Variants in TJP2 observed in about 807,000 individuals in gnomAD.
TJP2 encodes tight junction protein 2, also known as Friedreich ataxia region gene X104 (tight junction protein ZO-2).
In TJP2, 91 loss-of-function variants were observed where a neutral mutation model predicts 133.1. The observed-to-expected ratio is 0.68, with a 90% CI of 0.58 to 0.81. The LOEUF (loss-of-function observed/expected upper bound fraction) is 0.81. TJP2 is among the 40% of genes least tolerant of loss of function. The pLI is 0.00. For missense variants in TJP2, 1,541 were observed against 1,565.6 expected (o/e 0.98, Z 0.26); for synonymous variants, 592 against 583.4 (o/e 1.01, Z -0.21).
chr9:69,145,094 TTAA>T (rs945088223), intron 1 of TJP2, among the ~76,000 whole-genome samples: 1 of 152,224 alleles, frequency 6.6e-6, no homozygotes, highest in Non-Finnish European at 1.5e-5. Context: ...AAAGTTGTTT[TTAA>T]TAATAATTTT....
intron 10 of TJP2, among the ~76,000 whole-genome samples, chr9:69,229,860 T>G (rs866880379): frequency 3.3e-5 from 5 of 152,208 alleles, no homozygotes; most frequent in Non-Finnish European, 7.3e-5. Flanking sequence ...ATTCTATAAT[T>G]CTATGTCTTC....
rs562008936 is a variant in TJP2, at chr9:69,166,991, C to T, written c.-10+15220C>T. The stretch of plus-strand genomic sequence containing the variant: ...CTCACGCCCATAATCCTAGCACTTT[C>T]GGAGGCCAAGACGGGAGAATCACTT... On this transcript the variant is annotated intron_variant, in intron 2 of 5. Coordinates refer to the TJP2 transcript ENST00000423935. Among the ~76,000 whole-genome samples the T allele has an allele frequency of 4.0e-5, 6 of 151,426 alleles. No homozygotes were observed. The South Asian group carries it at 1.0e-3, about 26-fold the overall frequency.
chr9:69,146,045 G>A (rs1041296794), intron 1 of TJP2, among the ~76,000 whole-genome samples: 1 of 152,120 alleles, frequency 6.6e-6, no homozygotes, highest in Non-Finnish European at 1.5e-5. Flanking sequence ...AATAATGGGT[G>A]TGTCTAGAGC....
chr9:69,214,611 G>A (rs1168592249), intron 2 of TJP2, among the ~76,000 whole-genome samples: 1 of 152,120 alleles, frequency 6.6e-6, no homozygotes, highest in Non-Finnish European at 1.5e-5. Context: ...GCTCACGCCT[G>A]TAATCCCCAC....
chr9:69,195,791 T>C (rs1168646256), intron 1 of TJP2, among the ~76,000 whole-genome samples: 1 of 152,210 alleles, frequency 6.6e-6, no homozygotes, highest in Non-Finnish European at 1.5e-5. Context: ...CGACTCCCTT[T>C]CTGCACCCTC....
At chr9:69,233,776 C>CAAA (rs112402776) in intron 11 of TJP2, among the ~76,000 whole-genome samples, 1 of 144,154 alleles carries the variant, frequency 6.9e-6, no homozygotes, top group African/African-American at 2.5e-5. Context: ...GACTACATCT[C>CAAA]AAAAAAAAAA....
At chr9:69,252,671 C>T (rs1232529349) in intron 21 of TJP2, 144 bp from the exon 22 acceptor site, 3 of 774,898 alleles carry the variant, frequency 3.9e-6, no homozygotes, top group Non-Finnish European at 6.7e-6. Flanking sequence ...AATGAGGAGG[C>T]CGCTTCTGTG....
intron 1 of TJP2, chr9:69,204,730 A>G (rs1345279117): frequency 2.7e-6 from 2 of 748,578 alleles, no homozygotes; most frequent in Non-Finnish European, 3.3e-6. Context: ...GTTTATTTCT[A>G]GCTGGCGTGT....
At chr9:69,253,117 G>T (rs1320963812) in intron 22 of TJP2, 3 of 588,862 alleles carry the variant, frequency 5.1e-6, no homozygotes, top group Non-Finnish European at 9.2e-6. Flanking sequence ...CTGACAAAGT[G>T]TAATCATTGA....
intron 1 of TJP2, among the ~76,000 whole-genome samples, chr9:69,143,631 A>C (rs957582308): frequency 6.6e-6 from 1 of 152,236 alleles, no homozygotes. Flanking sequence ...TCCAAGACCA[A>C]ATGCTTTAGC....
In TJP2 at chr9:69,204,973, C is replaced by T. The variant is rs963683332; in HGVS notation, c.61-7575C>T. The T allele has an allele frequency of 1.7e-5, 22 of 1,326,474 alleles. No homozygotes were observed. In the East Asian group the frequency reaches 1.7e-4, roughly 10 times the overall value. 82.2% of individuals were successfully genotyped at this position (1,326,474 alleles called of 1,614,324 possible). A position where few individuals can be genotyped will look rare whatever the true frequency, so the allele number is the denominator to read the frequency against. ...AATCCAAACTGCTTTCTTTTTTGCT[C>T]ATAAGTAGTGCTTTTCAAAGCGTTT... On this transcript the variant is annotated intron_variant, in intron 1 of 22. Coordinates refer to ENST00000377245, the MANE Select transcript of TJP2 (RefSeq NM_004817.4).
At chr9:69,209,154 A>C (rs140124314) in intron 1 of TJP2, among the ~76,000 whole-genome samples, 24 of 151,730 alleles carry the variant, frequency 1.6e-4, no homozygotes, top group Non-Finnish European at 3.1e-4. Context: ...TTCTTTCTTT[A>C]TTTTTTTTGA....
At chr9:69,131,758 C>T (rs1587874101) in intron 1 of TJP2, among the ~76,000 whole-genome samples, 2 of 152,288 alleles carry the variant, frequency 1.3e-5, no homozygotes, top group South Asian at 2.1e-4. Flanking sequence ...ATGAACATTC[C>T]TGCTGGCCCC....
At chr9:69,243,529 C>A (rs977849390) in intron 17 of TJP2, among the ~76,000 whole-genome samples, 1 of 152,178 alleles carries the variant, frequency 6.6e-6, no homozygotes, top group Admixed American at 6.5e-5. Context: ...CTATAAAATA[C>A]ATTTGCATAT....
intron 3 of TJP2, among the ~76,000 whole-genome samples, chr9:69,217,242 C>T (rs1254024237): frequency 1.3e-5 from 2 of 152,170 alleles, no homozygotes; most frequent in African/African-American, 4.8e-5. Context: ...CTGCCCACCT[C>T]GGCCTCCCAA....
At chr9:69,211,378 T>C (rs1301073629) in intron 1 of TJP2, among the ~76,000 whole-genome samples, 1 of 152,180 alleles carries the variant, frequency 6.6e-6, no homozygotes, top group Admixed American at 6.5e-5. Context: ...TATACACATA[T>C]TATAGATACT....
At chr9:69,192,311 A>AATTCTCACTTG (rs2133069099) in intron 1 of TJP2, among the ~76,000 whole-genome samples, 1 of 152,210 alleles carries the variant, frequency 6.6e-6, no homozygotes, top group Non-Finnish European at 1.5e-5. Context: ...TTTCATGTTA[A>AATTCTCACTTG]ATTCTCACTT....
chr9:69,254,552 G>A lies in TJP2; in HGVS notation c.*178G>A. On this transcript the variant is annotated 3_prime_UTR_variant, in exon 23 of 23. Transcript: ENST00000377245. ...AGCTGGTGCAAATTCAGAACTGAGG[G>A]CTCTGTTTGTGGGACTGGGTTAGAG... 1 of 795,558 alleles carries A rather than the reference G, an allele frequency of 1.3e-6. No individual in the cohort carries two copies. Among genetic ancestry groups the A allele is most frequent in the Non-Finnish European group, 2.1e-6 (1 of 481,964 alleles). The allele number at this position is 795,558 out of a possible 1,614,324, so 49.3% of individuals were successfully genotyped here.
intron 2 of TJP2, among the ~76,000 whole-genome samples, chr9:69,161,957 T>C (rs1322607001): frequency 2.0e-5 from 3 of 150,120 alleles, no homozygotes; most frequent in Non-Finnish European, 3.0e-5. Flanking sequence ...TGAGGCAGAA[T>C]TGCTTGAACT....
Sources: allele counts gnomAD v4.1 joint callset (sites outside exome capture counted in the v4.1 genomes callset), GRCh38; gene constraint gnomAD v4.1.1; transcripts MANE v1.5; gene names NCBI Gene and HGNC (gene_info 2026-07-23, HGNC 2026-07-21).